Variants in RAB10 observed in about 807,000 individuals in gnomAD.
RAB10 encodes RAB10, member RAS oncogene family, also known as ras-related protein Rab-10.
A neutral mutation model predicts 25.7 loss-of-function variants in RAB10; 5 were observed. The observed-to-expected ratio is 0.19, with a 90% confidence interval of 0.10 to 0.41. The LOEUF (loss-of-function observed/expected upper bound fraction) is 0.41, where lower values mean the gene tolerates loss of function less well. RAB10 is among the 10% of genes least tolerant of loss of function. RAB10 has a pLI of 1.00. For missense variants in RAB10, 103 were observed against 245.8 expected (o/e 0.42, Z 3.89); for synonymous variants, 89 against 86.4 (o/e 1.03, Z -0.16).
At chr2:26,075,770 T>A (rs182022150) in intron 1 of RAB10, among the ~76,000 whole-genome samples, 37 of 152,280 alleles carry the variant, frequency 2.4e-4, no homozygotes, top group African/African-American at 8.7e-4. Context: ...TTGGTGGCCT[T>A]TAAGGATAAT....
At chr2:26,061,138 A>G (rs1302055017) in intron 1 of RAB10, among the ~76,000 whole-genome samples, 6 of 114,594 alleles carry the variant, frequency 5.2e-5, no homozygotes, top group Non-Finnish European at 9.8e-5. Flanking sequence ...TTTTTGAGAC[A>G]GGGTCTGGCT....
chr2:26,121,161 C>T (rs1264046967), intron 3 of RAB10, among the ~76,000 whole-genome samples: 2 of 152,238 alleles, frequency 1.3e-5, no homozygotes, highest in African/African-American at 4.8e-5. Context: ...ATCCACCCAC[C>T]TCAGCCTCCC....
intron 1 of RAB10, among the ~76,000 whole-genome samples, chr2:26,060,115 C>T (rs1020259328): frequency 5.3e-5 from 8 of 151,988 alleles, no homozygotes; most frequent in African/African-American, 1.9e-4. Context: ...TCTGAAGAAG[C>T]TTGTTTGGAT....
chr2:26,095,424 G>A (rs1667191496), intron 1 of RAB10, among the ~76,000 whole-genome samples: 1 of 152,038 alleles, frequency 6.6e-6, no homozygotes, highest in Admixed American at 6.6e-5. Context: ...TGGCTAACAC[G>A]GTGAAACCCC....
At chr2:26,127,826 G>T (rs763363831) in intron 4 of RAB10, 24 bp from the exon 5 acceptor site, 2 of 1,519,996 alleles carry the variant, frequency 1.3e-6, no homozygotes, top group Admixed American at 1.7e-5. Context: ...ATAATTTTAT[G>T]ATGATATTTT....
At chr2:26,122,909 G>C (rs1667835354) in intron 3 of RAB10, among the ~76,000 whole-genome samples, 1 of 151,902 alleles carries the variant, frequency 6.6e-6, no homozygotes, top group Non-Finnish European at 1.5e-5. Flanking sequence ...CAGGGAGGGG[G>C]GCAGGCCACA....
At chr2:26,104,772 C>T (rs1667433759) in intron 2 of RAB10, among the ~76,000 whole-genome samples, 1 of 144,418 alleles carries the variant, frequency 6.9e-6, no homozygotes, top group Non-Finnish European at 1.5e-5. Context: ...GAGTCTTGCT[C>T]TGTCGCCCAG....
At chr2:26,087,651 G>A (rs974899156) in intron 1 of RAB10, among the ~76,000 whole-genome samples, 5 of 152,188 alleles carry the variant, frequency 3.3e-5, no homozygotes, top group Admixed American at 1.3e-4. Context: ...ATCTGCCCAC[G>A]TTGGTCTCCC....
At chr2:26,118,548 CATT>C (rs1667739998) in intron 3 of RAB10, among the ~76,000 whole-genome samples, 7 of 152,104 alleles carry the variant, frequency 4.6e-5, no homozygotes, top group Admixed American at 4.6e-4. Context: ...TGAATGGTTT[CATT>C]ATTATTAAAC....
In RAB10 at chr2:26,079,130, C is replaced by T. The variant is rs567932304; in HGVS notation, c.128-19532C>T. Among the ~76,000 whole-genome samples, 14 of 152,124 alleles carry T rather than the reference C, an allele frequency of 9.2e-5. No homozygotes were observed. In the South Asian group the frequency reaches 1.0e-3, roughly 11 times the overall value. ...TGAACCTAGGAGGCGGAGGTTGTGG[C>T]GAGCTGAGATTGTGCCATTACACTC... On this transcript the variant is annotated intron_variant, in intron 1 of 5. Coordinates refer to ENST00000264710, the MANE Select transcript of RAB10 (RefSeq NM_016131.5).
rs532317753 is a variant in RAB10, at chr2:26,090,510, T to TA, written c.128-8152_128-8151insA. Among the ~76,000 whole-genome samples the TA allele has an allele frequency of 1.5e-4, 23 of 151,802 alleles. No individual in the cohort carries two copies. The South Asian group carries it at 3.1e-3, about 21-fold the overall frequency. On this transcript the variant is annotated intron_variant, in intron 1 of 5. Coordinates refer to ENST00000264710, the MANE Select transcript of RAB10 (RefSeq NM_016131.5). ...TAGTTCTGTTTTCTTGCCTTTTTTT[T>TA]TTATTATTTTCTATATGTCACTTTC...
chr2:26,127,101 A>G (rs1213855623), intron 3 of RAB10, 43 bp from the exon 4 acceptor site: 1 of 1,387,294 alleles, frequency 7.2e-7, no homozygotes, highest in Admixed American at 2.1e-5. Flanking sequence ...GTTAAGCCGT[A>G]ATTCATGGTA....
At chr2:26,065,936 A>G (rs192296695) in intron 1 of RAB10, among the ~76,000 whole-genome samples, 1 of 152,294 alleles carries the variant, frequency 6.6e-6, no homozygotes, top group East Asian at 1.9e-4. Context: ...CTTAGTGGGA[A>G]TATTGTTTTT....
At chr2:26,044,707 G>A (rs895534724) in intron 1 of RAB10, among the ~76,000 whole-genome samples, 2 of 151,938 alleles carry the variant, frequency 1.3e-5, no homozygotes, top group Admixed American at 6.6e-5. Context: ...CACCACTGCT[G>A]GCTAATTTTT....
At chr2:26,132,933 G>C (rs1668038743) in intron 5 of RAB10, among the ~76,000 whole-genome samples, 1 of 152,038 alleles carries the variant, frequency 6.6e-6, no homozygotes, top group African/African-American at 2.4e-5. Context: ...GCTGGATGCT[G>C]GTCTGCCCCT....
chr2:26,128,876 T>C (rs193038975), intron 5 of RAB10, among the ~76,000 whole-genome samples: 26 of 152,330 alleles, frequency 1.7e-4, no homozygotes, highest in Non-Finnish European at 1.6e-4. Context: ...GATTTTCGTA[T>C]TTTCCCTCGA....
At chr2:26,067,759 T>C (rs1666543195) in intron 1 of RAB10, among the ~76,000 whole-genome samples, 1 of 152,246 alleles carries the variant, frequency 6.6e-6, no homozygotes, top group Admixed American at 6.5e-5. Context: ...ATGACTACTG[T>C]GTAAGACCTT....
chr2:26,117,982 T>C (rs1354246736), intron 3 of RAB10, among the ~76,000 whole-genome samples: 2 of 152,066 alleles, frequency 1.3e-5, no homozygotes, highest in Non-Finnish European at 2.9e-5. Context: ...AAGATGTTCT[T>C]TTTTTTTGAG....
intron 1 of RAB10, among the ~76,000 whole-genome samples, chr2:26,084,235 C>T (rs1291708775): frequency 6.6e-6 from 1 of 152,198 alleles, no homozygotes; most frequent in Admixed American, 6.5e-5. Context: ...ATAGCTCTTC[C>T]TCCTGTTCTT....
Sources: gnomAD v4.1 joint callset for allele counts (sites outside exome capture counted in the v4.1 genomes callset) on GRCh38, gnomAD v4.1.1 for gene constraint, MANE v1.5 for transcripts, NCBI Gene and HGNC (gene_info 2026-07-23, HGNC 2026-07-21) for gene names.